The following ABR variants were observed in gnomAD, a reference collection of about 807,000 sequenced individuals.
ABR encodes the protein ABR activator of RhoGEF and GTPase.
Under a neutral mutation model 107.2 loss-of-function variants are expected in ABR, and 35 were observed. The ratio of observed to expected loss-of-function variants is 0.33; its 90% CI spans 0.25 to 0.43. ABR has a LOEUF of 0.43. ABR is among the 20% of genes least tolerant of loss of function. The pLI is 1.00. For synonymous variants in ABR, 498 were observed against 462.0 expected (o/e 1.08, Z -1.00); for missense variants, 815 against 1,115.2 (o/e 0.73, Z 3.83).
At chr17:1,032,039 G>A (rs990490397) in intron 16 of ABR, among the ~76,000 whole-genome samples, 4 of 151,360 alleles carry the variant, frequency 2.6e-5, no homozygotes, top group South Asian at 2.1e-4. Flanking sequence ...TGGCAAGGGC[G>A]CTGCTCCTCC....
intron 1 of ABR, among the ~76,000 whole-genome samples, chr17:1,153,446 T>TCCAGGCACACCTGCGGGAGGGCTGGGGAC (rs2040890568): frequency 9.5e-6 from 1 of 105,562 alleles, no homozygotes; most frequent in Non-Finnish European, 1.9e-5. Context: ...GGGCTGGGGG[T>TCCAGGCACACCTGCGGGAGGGCTGGGGAC]CCAGGCACAC....
At chr17:1,136,066 C>G (rs1182621330) in intron 1 of ABR, among the ~76,000 whole-genome samples, 3 of 152,146 alleles carry the variant, frequency 2.0e-5, no homozygotes, top group Admixed American at 2.0e-4. Flanking sequence ...CACCCCTGCA[C>G]TGGCCCCTAA....
Position 1,067,080 on chromosome 17 carries a change from C to A in ABR, c.1179G>T (p.Lys393Asn). 1 of 1,613,120 alleles carries A rather than the reference C, an allele frequency of 6.2e-7. No individual in the cohort carries two copies. The highest frequency in any genetic ancestry group is 8.5e-7 in the Non-Finnish European group (1 of 1,179,596). ...TCAGATACCAAGCTCTGCTCACCTC[C>A]TTCTGGATTTCACTCTTGAGGGCAG... ...KISALKSEIQ[K>N]EKANKGQSRA... The change falls in exon 10 of 23, where the codon AAG becomes AAT. Residue 393 changes from lysine to asparagine, a missense_variant. Physicochemically the swap from Lys to Asn is moderately conservative, Grantham distance 94. This residue lies in a region of ABR where 385 missense variants were observed against 596.9 expected (regional missense o/e 0.64). Coordinates refer to ENST00000302538, the MANE Select transcript of ABR (RefSeq NM_021962.5).
intron 16 of ABR, among the ~76,000 whole-genome samples, chr17:1,015,114 G>A (rs1010703024): frequency 1.3e-5 from 2 of 151,620 alleles, no homozygotes; most frequent in East Asian, 2.0e-4. Context: ...ACCATGATTG[G>A]CAGTACATAA....
chr17:1,064,870 C>T (rs1484808869), intron 10 of ABR, among the ~76,000 whole-genome samples: 1 of 130,494 alleles, frequency 7.7e-6, no homozygotes, highest in Admixed American at 7.9e-5. Flanking sequence ...TATGCATGTT[C>T]CTCTAGACAC....
chr17:1,015,223 C>T lies in ABR; in HGVS notation c.1792-2059G>A, dbSNP rs1215714363. 2.0e-5 allele frequency among the ~76,000 whole-genome samples: 3 copies of T among 151,940 alleles called. No homozygotes were observed. In the East Asian group the frequency reaches 5.9e-4, roughly 30 times the overall value. On this transcript the variant is annotated intron_variant, in intron 16 of 22. Coordinates refer to ENST00000302538, the MANE Select transcript of ABR (RefSeq NM_021962.5). The stretch of plus-strand genomic sequence containing the variant: ...CCTGAGGTCAGGAATTCGAGACCAG[C>T]CTGGCCAACATGACAAAACCCTGTC...
At position 1,179,027 on chromosome 17, in the gene ABR, G is replaced by T. The variant is rs1369927205; in HGVS notation, c.61+640C>A. Among the ~76,000 whole-genome samples, 1 of 151,760 alleles carries T rather than the reference G, an allele frequency of 6.6e-6. No homozygotes were observed. Among genetic ancestry groups the T allele is most frequent in the African/African-American group, 2.4e-5 (1 of 41,286 alleles). On this transcript the variant is annotated intron_variant, in intron 1 of 22. Transcript: ENST00000302538. The surrounding 1 kb of genome is among the most constrained non-coding windows in gnomAD (Gnocchi z 4.9). ...TTGTTTTTTTTTTCTTCTGAGGGTG[G>T]TGGTGATGATGAGGGTGGGGGTGGT...
At position 1,050,008 on chromosome 17, in the gene ABR, C is replaced by T; in HGVS notation, c.1791+42G>A. On this transcript the variant is annotated intron_variant, in intron 16 of 22. Transcript: ENST00000302538. This position sits in a 1 kb window ranked among gnomAD's most constrained non-coding sequence, Gnocchi z 4.6. ...AATTCCTTTTCAACTGGAACCACCT[C>T]CTGGAGGCTCCCTCAGCCTCGCCCC... The T allele has an allele frequency of 6.3e-7, 1 of 1,591,878 alleles. No individual in the cohort carries two copies. Among genetic ancestry groups the T allele is most frequent in the South Asian group, 1.1e-5 (1 of 87,868 alleles).
chr17:1,089,259 C>CT (rs1245859400), intron 4 of ABR, among the ~76,000 whole-genome samples: 2 of 152,076 alleles, frequency 1.3e-5, no homozygotes, highest in Admixed American at 6.6e-5. Flanking sequence ...GTCTTGAACT[C>CT]TAAGCCTCAA....
At chr17:1,186,117 G>A (rs529490599) in intron 1 of ABR, among the ~76,000 whole-genome samples, 5 of 152,312 alleles carry the variant, frequency 3.3e-5, no homozygotes, top group East Asian at 3.9e-4. Context: ...GATTACAGGC[G>A]TGAGCCACCA....
chr17:1,125,276 A>G lies in ABR; in HGVS notation c.153T>C (p.Asp51=), dbSNP rs754300651. ...GCTGCGGGGACATGGTGGGCGACTC[A>G]TCGATGTACGGCATGGTCTCTGAGC... ...PEGSETMPYI[D]ESPTMSPQLS... is the part of the protein sequence containing the mutation. Residue 51 remains aspartate, a synonymous_variant, in exon 2 of 23, where the codon GAT becomes GAC. Transcript: ENST00000302538. 3 of 1,613,618 alleles carry G rather than the reference A, an allele frequency of 1.9e-6. No homozygotes were observed. In the South Asian group the frequency reaches 3.3e-5, roughly 18 times the overall value.
chr17:1,016,067 A>G (rs1351275174), intron 16 of ABR, among the ~76,000 whole-genome samples: 3 of 152,244 alleles, frequency 2.0e-5, no homozygotes, highest in Admixed American at 6.5e-5. Flanking sequence ...TTGTTCACAT[A>G]AAGAAGTAGA....
intron 1 of ABR, among the ~76,000 whole-genome samples, chr17:1,173,651 CAG>C (rs1315450073): frequency 1.3e-5 from 2 of 152,146 alleles, no homozygotes; most frequent in African/African-American, 2.4e-5. Context: ...TTTCAGCTAA[CAG>C]GGGTTTCTGC....
intron 1 of ABR, among the ~76,000 whole-genome samples, chr17:1,139,263 G>GT (rs771565799): frequency 1.3e-4 from 19 of 151,860 alleles, no homozygotes; most frequent in Admixed American, 3.3e-4. Flanking sequence ...TTTGTTTTTT[G>GT]TTTTTTGAGA....
intron 4 of ABR, among the ~76,000 whole-genome samples, chr17:1,087,838 G>A (rs145339794): frequency 5.8e-4 from 89 of 152,266 alleles, no homozygotes; most frequent in Middle Eastern, 6.8e-3. Flanking sequence ...GGAGGCCTGC[G>A]TCCAGGGTCA....
At chr17:1,089,234 A>AT (rs1224148925) in intron 4 of ABR, among the ~76,000 whole-genome samples, 1 of 151,532 alleles carries the variant, frequency 6.6e-6, no homozygotes, top group Non-Finnish European at 1.5e-5. Context: ...GGGTCTTGCT[A>AT]TGTTGCCCAG....
intron 6 of ABR, among the ~76,000 whole-genome samples, chr17:1,076,724 G>C (rs1362746559): frequency 2.6e-5 from 1 of 38,348 alleles, no homozygotes; most frequent in African/African-American, 8.5e-5. Context: ...CGGGGGGGGT[G>C]GGGGTGGGGG....
At position 1,210,007 on chromosome 17, in the gene ABR, G is replaced by T. The variant is rs1417893301; in HGVS notation, c.838+18786C>A. 6.6e-6 allele frequency among the ~76,000 whole-genome samples: 1 copy of T among 152,130 alleles called. No individual in the cohort carries two copies. Among genetic ancestry groups the T allele is most frequent in the Non-Finnish European group, 1.5e-5 (1 of 68,034 alleles). ...AGAAAACAGATACATATGCCAAAGT[G>T]CCTTCAGAACCTCCAACAAATTAAA... is the stretch of plus-strand genomic sequence containing the variant. On this transcript the variant is annotated intron_variant, in intron 1 of 22. Coordinates refer to the ABR transcript ENST00000574139. This position sits in a 1 kb window ranked among gnomAD's most constrained non-coding sequence, Gnocchi z 5.6.
intron 4 of ABR, among the ~76,000 whole-genome samples, chr17:1,090,492 C>A (rs780689669): frequency 2.0e-5 from 3 of 151,982 alleles, no homozygotes; most frequent in African/African-American, 7.3e-5. Context: ...GAGGAAAAGG[C>A]GGCTGTGAGC....
Sources: allele counts gnomAD v4.1 joint callset (sites outside exome capture counted in the v4.1 genomes callset), GRCh38; gene constraint gnomAD v4.1.1; regional missense constraint gnomAD v4.1.1; non-coding constraint Gnocchi (gnomAD v3.1); transcripts MANE v1.5; gene names NCBI Gene and HGNC (gene_info 2026-07-23, HGNC 2026-07-21).